The following RSL1D1 variants were observed in gnomAD, a reference collection of about 807,000 sequenced individuals.
The protein encoded by RSL1D1 is ribosomal L1 domain containing 1.
RSL1D1 carries 34 observed loss-of-function variants against 44.6 expected under a neutral mutation model. The ratio of observed to expected loss-of-function variants is 0.76; its 90% CI spans 0.58 to 1.02. RSL1D1 has a LOEUF of 1.02. Ranked by LOEUF, RSL1D1 falls within the 50% of genes least tolerant of loss-of-function variation. The pLI, the probability that RSL1D1 is intolerant of heterozygous loss-of-function variation, is 0.00. For synonymous variants in RSL1D1, 271 were observed against 207.4 expected (o/e 1.31, Z -2.63); for missense variants, 767 against 568.1 (o/e 1.35, Z -3.56).
chr16:11,844,426 G>T (rs2053784363), intron 5 of RSL1D1, among the ~76,000 whole-genome samples: 1 of 152,048 alleles, frequency 6.6e-6, no homozygotes, highest in African/African-American at 2.4e-5. Context: ...CATAAACAAG[G>T]CCTGAACTTC....
rs567069642 is a variant in RSL1D1, at chr16:11,844,753, C to T, written c.635+1748G>A. On this transcript the variant is annotated intron_variant, in intron 5 of 8. Transcript: ENST00000571133. Reference sequence around the variant, plus strand: ...CTCTGGGTGGAAGGGCAGTGGCCTACAGCTCTGCCTTACTGGCAGCTAGCC... The same window carrying T: ...CTCTGGGTGGAAGGGCAGTGGCCTATAGCTCTGCCTTACTGGCAGCTAGCC... Among the ~76,000 whole-genome samples the T allele has an allele frequency of 1.8e-4, 27 of 152,346 alleles. No individual in the cohort carries two copies. In the South Asian group the frequency reaches 2.9e-3, roughly 16 times the overall value.
intron 5 of RSL1D1, among the ~76,000 whole-genome samples, chr16:11,844,506 C>A (rs1049464075): frequency 6.6e-6 from 1 of 152,134 alleles, no homozygotes; most frequent in African/African-American, 2.4e-5. Context: ...GTCTAGGCTC[C>A]GTGACCAACT....
At chr16:11,850,461 A>G (rs1445325476) in intron 1 of RSL1D1, 43 bp from the exon 2 acceptor site, 1 of 1,569,956 alleles carries the variant, frequency 6.4e-7, no homozygotes, top group Non-Finnish European at 8.6e-7. Context: ...TGTTTTCACA[A>G]TAACTTACAC....
At chr16:11,851,227 G>A in intron 1 of RSL1D1, 181 bp downstream of exon 1, 1 of 662,932 alleles carries the variant, frequency 1.5e-6, no homozygotes, top group South Asian at 1.7e-5. Context: ...CGCAGGACCA[G>A]GGAAAGCAGG....
chr16:11,839,285 G>T (rs1247123300), intron 8 of RSL1D1, among the ~76,000 whole-genome samples: 1 of 151,370 alleles, frequency 6.6e-6, no homozygotes, highest in Non-Finnish European at 1.5e-5. Flanking sequence ...AGAATTGCTT[G>T]AACCAGGGAG....
At chr16:11,847,047 A>G (rs960637391) in intron 3 of RSL1D1, among the ~76,000 whole-genome samples, 2 of 152,162 alleles carry the variant, frequency 1.3e-5, no homozygotes, top group African/African-American at 4.8e-5. Flanking sequence ...GACCCCAGCT[A>G]AAGCAACTTA....
intron 5 of RSL1D1, 138 bp downstream of exon 5, chr16:11,846,363 C>A: frequency 3.7e-6 from 2 of 544,258 alleles, no homozygotes; most frequent in Non-Finnish European, 6.3e-6. Flanking sequence ...CCACTGCACT[C>A]CAGCCTGGCA....
rs535391753 is a variant in RSL1D1, at chr16:11,838,166, T to G, written c.1147-53A>C. The G allele has an allele frequency of 3.1e-4, 420 of 1,350,910 alleles. 1 individual carries two copies. In the African/African-American group the frequency reaches 5.7e-3, roughly 18 times the overall value. The allele number at this position is 1,350,910 out of a possible 1,614,324, so 83.7% of individuals were successfully genotyped here. A position where few individuals can be genotyped will look rare whatever the true frequency, so the allele number is the denominator to read the frequency against. On this transcript the variant is annotated intron_variant, in intron 8 of 8. Coordinates refer to ENST00000571133, the MANE Select transcript of RSL1D1 (RefSeq NM_015659.3). ...TAGAAAAAGCCACAAAACCTGACAC[T>G]CTAACTCCAGGAGTTACTGTTTTTA...
chr16:11,845,619 T>G (rs565172940), intron 5 of RSL1D1, among the ~76,000 whole-genome samples: 1 of 152,238 alleles, frequency 6.6e-6, no homozygotes, highest in African/African-American at 2.4e-5. Context: ...AAGTGCTCAA[T>G]AGCTACATAC....
Position 11,846,604 on chromosome 16 carries a change from TAC to T in RSL1D1, c.534-4_534-3del. On this transcript the variant is annotated splice_polypyrimidine_tract_variant and splice_region_variant and intron_variant, in intron 4 of 8. Transcript: ENST00000571133. Reference sequence around the variant, plus strand: ...AGAAGGTTTACAGATACTGGAACTCTACAAAATAAACACACAGGCATTCAGAA... The same window carrying T: ...AGAAGGTTTACAGATACTGGAACTCTAAAATAAACACACAGGCATTCAGAA... 6.2e-7 allele frequency: 1 copy of T among 1,609,096 alleles called. No individual in the cohort carries two copies. Among genetic ancestry groups the T allele is most frequent in the Non-Finnish European group, 8.5e-7 (1 of 1,175,950 alleles).
intron 7 of RSL1D1, among the ~76,000 whole-genome samples, chr16:11,840,678 C>T (rs2053759001): frequency 6.6e-6 from 1 of 152,216 alleles, no homozygotes; most frequent in Non-Finnish European, 1.5e-5. Context: ...CTTCCGAAAG[C>T]TTCTTTTGCT....
At chr16:11,840,691 A>G (rs1175764487) in intron 7 of RSL1D1, among the ~76,000 whole-genome samples, 1 of 152,242 alleles carries the variant, frequency 6.6e-6, no homozygotes, top group Non-Finnish European at 1.5e-5. Context: ...CTTTTGCTAG[A>G]GTACGAGTAA....
chr16:11,840,059 G>A (rs1337327785), intron 7 of RSL1D1, 74 bp from the exon 8 acceptor site: 16 of 1,547,962 alleles, frequency 1.0e-5, no homozygotes, highest in African/African-American at 6.9e-5. Flanking sequence ...GATGTACCAC[G>A]TGCAGTTTTG....
intron 1 of RSL1D1, 134 bp downstream of exon 1, chr16:11,851,274 G>A (rs554440883): frequency 3.6e-6 from 3 of 822,408 alleles, no homozygotes; most frequent in East Asian, 2.6e-5. Flanking sequence ...AGACAGCTGA[G>A]GCACACGGCC....
chr16:11,840,051 T>C (rs183900677), intron 7 of RSL1D1, 66 bp from the exon 8 acceptor site: 4 of 1,562,686 alleles, frequency 2.6e-6, no homozygotes, highest in Admixed American at 1.9e-5. Flanking sequence ...ACGGCATAGA[T>C]GTACCACGTG....
chr16:11,838,999 C>G (rs918635666), intron 8 of RSL1D1, among the ~76,000 whole-genome samples: 1 of 151,844 alleles, frequency 6.6e-6, no homozygotes, highest in Non-Finnish European at 1.5e-5. Context: ...GGAGCAAATC[C>G]TGAGTCTTCC....
chr16:11,839,727 C>T lies in RSL1D1; in HGVS notation c.1114G>A (p.Gly372Arg). ...TTTTCATTAGCTGGAGTCTTCTTTC[C>T]TATTGGTACCAGCTGTGGGATTTCG... is the stretch of plus-strand genomic sequence containing the variant. ...EDEIPQLVPI[G>R]KKTPANEKVE... The change falls in exon 8 of 9, where the codon GGA (glycine) becomes AGA (arginine). Residue 372 changes from glycine to arginine, a missense_variant. By Grantham distance (125) the Gly-to-Arg change is moderately radical. Coordinates refer to ENST00000571133, the MANE Select transcript of RSL1D1 (RefSeq NM_015659.3). 6 of 1,613,976 alleles carry T rather than the reference C, an allele frequency of 3.7e-6. No homozygotes were observed. The South Asian group carries it at 6.6e-5, about 18-fold the overall frequency.
rs187160401 is a variant in RSL1D1, at chr16:11,847,147, G to A, written c.385-304C>T. Among the ~76,000 whole-genome samples, 1,165 of 152,260 alleles carry A rather than the reference G, an allele frequency of 7.7e-3. 10 individuals carry two copies. Among genetic ancestry groups the A allele is most frequent in the Non-Finnish European group, 0.013 (875 of 68,038 alleles). On this transcript the variant is annotated intron_variant, in intron 3 of 8. Coordinates refer to ENST00000571133, the MANE Select transcript of RSL1D1 (RefSeq NM_015659.3). ...TACTAGCCCTTTGGGAGGCCGAGGT[G>A]GGTGGATCACCTGAGCTCAGGAATT...
chr16:11,843,871 CAAAAAAAAAAAAAAA>C (rs35833714), intron 5 of RSL1D1, among the ~76,000 whole-genome samples: 1 of 53,560 alleles, frequency 1.9e-5, no homozygotes, highest in Non-Finnish European at 3.4e-5. Context: ...AACTCTGTCT[CAAAAAAAAAAAAAAA>C]AAAAAAAAAG....
Sources: gnomAD v4.1 joint callset for allele counts (sites outside exome capture counted in the v4.1 genomes callset) on GRCh38, gnomAD v4.1.1 for gene constraint, MANE v1.5 for transcripts, NCBI Gene and HGNC (gene_info 2026-07-23, HGNC 2026-07-21) for gene names.